Variants in MGMT observed in about 807,000 individuals in gnomAD.
MGMT encodes the protein methylated-DNA--protein-cysteine methyltransferase.
In MGMT, 14 loss-of-function variants were observed where a neutral mutation model predicts 15.9. That is an observed-to-expected ratio of 0.88 (90% CI 0.58 to 1.37). The LOEUF is 1.37. Ranked by LOEUF, MGMT falls within the 40% of genes most tolerant of loss-of-function variation. MGMT has a pLI of 0.00. For missense variants in MGMT, 282 were observed against 268.1 expected (o/e 1.05, Z -0.36); for synonymous variants, 130 against 118.2 (o/e 1.10, Z -0.65).
intron 1 of MGMT, among the ~76,000 whole-genome samples, chr10:129,472,110 TG>T (rs962540806): frequency 6.6e-6 from 1 of 152,200 alleles, no homozygotes; most frequent in Non-Finnish European, 1.5e-5. Context: ...AATCCCCCTC[TG>T]GGTCAAGGCA....
chr10:129,704,671 T>G (rs996326603), intron 2 of MGMT, among the ~76,000 whole-genome samples: 3 of 152,088 alleles, frequency 2.0e-5, no homozygotes, highest in African/African-American at 7.2e-5. Flanking sequence ...CTCTGGCTCC[T>G]TCCTTAAAAC....
chr10:129,632,653 C>T (rs562317801), intron 2 of MGMT, among the ~76,000 whole-genome samples: 191 of 152,234 alleles, frequency 1.3e-3, no homozygotes, highest in African/African-American at 4.3e-3. Context: ...CGGGGGATGT[C>T]GGCCCGATTC....
At chr10:129,471,615 C>T (rs1353509598) in intron 1 of MGMT, among the ~76,000 whole-genome samples, 2 of 152,080 alleles carry the variant, frequency 1.3e-5, no homozygotes, top group African/African-American at 4.8e-5. Flanking sequence ...AGTGGAGGAG[C>T]GTTTGAGGGT....
intron 1 of MGMT, among the ~76,000 whole-genome samples, chr10:129,505,338 G>A (rs1298876780): frequency 1.3e-5 from 2 of 152,140 alleles, no homozygotes; most frequent in African/African-American, 4.8e-5. Context: ...TATAATACAG[G>A]CTTTATGATT....
chr10:129,562,751 C>G (rs754286892), intron 2 of MGMT, among the ~76,000 whole-genome samples: 4 of 152,174 alleles, frequency 2.6e-5, no homozygotes, highest in Admixed American at 6.5e-5. Flanking sequence ...GCACTGACTA[C>G]GCAGCCTCTG....
At position 129,759,138 on chromosome 10, in the gene MGMT, TA is replaced by T; in HGVS notation, c.275-63del. On this transcript the variant is annotated intron_variant, in intron 3 of 4. Coordinates refer to ENST00000651593, the MANE Select transcript of MGMT (RefSeq NM_002412.5). ...CGTTTCCTGTTTTGGGACTAGTGGCTATTTATATCAGAGCTGCTGAAGCCGT... is the reference window on the plus strand; with the variant it reads ...CGTTTCCTGTTTTGGGACTAGTGGCTTTTATATCAGAGCTGCTGAAGCCGT... 7.6e-6 allele frequency: 12 copies of T among 1,588,628 alleles called. No homozygotes were observed. The South Asian group carries it at 1.4e-4, about 18-fold the overall frequency.
At chr10:129,507,813 C>T (rs539598863) in intron 1 of MGMT, among the ~76,000 whole-genome samples, 76 of 152,290 alleles carry the variant, frequency 5.0e-4, no homozygotes, top group African/African-American at 1.3e-3. Flanking sequence ...GAAACCTTTC[C>T]GTCTCCCAAA....
rs1317806834 is a variant in MGMT, at chr10:129,556,656, C to A, written c.125+20279C>A. Among the ~76,000 whole-genome samples, 1 of 152,214 alleles carries A rather than the reference C, an allele frequency of 6.6e-6. No individual in the cohort carries two copies. Among genetic ancestry groups the A allele is most frequent in the Admixed American group, 6.5e-5 (1 of 15,292 alleles). ...CGCCATCCCAGACAGTGTTCATAAA[C>A]ACCGACGGCAAAGTCAGGACGGGCA... On this transcript the variant is annotated intron_variant, in intron 2 of 4. Transcript: ENST00000651593. The surrounding 1 kb of genome is among the most constrained non-coding windows in gnomAD (Gnocchi z 4.3).
At chr10:129,634,065 C>G (rs1013642205) in intron 2 of MGMT, among the ~76,000 whole-genome samples, 32 of 152,250 alleles carry the variant, frequency 2.1e-4, no homozygotes, top group African/African-American at 7.5e-4. Context: ...TTTTTTAGTG[C>G]CCAAAATGTC....
At chr10:129,550,993 G>T (rs555252800) in intron 2 of MGMT, among the ~76,000 whole-genome samples, 2 of 152,126 alleles carry the variant, frequency 1.3e-5, no homozygotes, top group Admixed American at 1.3e-4. Flanking sequence ...GCACTTCTTC[G>T]TCAGGACATG....
At chr10:129,717,077 C>T (rs1232247350) in intron 3 of MGMT, among the ~76,000 whole-genome samples, 1 of 152,166 alleles carries the variant, frequency 6.6e-6, no homozygotes, top group African/African-American at 2.4e-5. Flanking sequence ...TGAGTGATGG[C>T]ATTTTCAATG....
chr10:129,638,993 A>G (rs1847296364), intron 2 of MGMT, among the ~76,000 whole-genome samples: 1 of 152,034 alleles, frequency 6.6e-6, no homozygotes, highest in Non-Finnish European at 1.5e-5. Flanking sequence ...ACACAATAAC[A>G]AAACAAGTAA....
At chr10:129,691,132 G>A (rs1421305690) in intron 2 of MGMT, among the ~76,000 whole-genome samples, 1 of 152,244 alleles carries the variant, frequency 6.6e-6, no homozygotes, top group African/African-American at 2.4e-5. Context: ...GCTGTTCCCG[G>A]CGTGGGGAGA....
At chr10:129,687,390 C>T (rs759492589) in intron 2 of MGMT, among the ~76,000 whole-genome samples, 6 of 152,070 alleles carry the variant, frequency 3.9e-5, no homozygotes, top group East Asian at 1.9e-4. Context: ...GGAGCGCCGA[C>T]GCCAAGGGTA....
chr10:129,732,636 C>G (rs1269629382), intron 3 of MGMT, among the ~76,000 whole-genome samples: 1 of 150,780 alleles, frequency 6.6e-6, no homozygotes, highest in African/African-American at 2.4e-5. Context: ...ATACATGTGC[C>G]ATGCTTGTGC....
intron 1 of MGMT, among the ~76,000 whole-genome samples, chr10:129,490,941 G>A (rs1237127961): frequency 3.3e-5 from 5 of 152,186 alleles, no homozygotes; most frequent in Non-Finnish European, 7.3e-5. Flanking sequence ...TTCCTGAATA[G>A]TAAAATACTT....
chr10:129,524,053 G>A (rs1191866502), intron 1 of MGMT, among the ~76,000 whole-genome samples: 1 of 152,192 alleles, frequency 6.6e-6, no homozygotes, highest in African/African-American at 2.4e-5. Context: ...GTGAGAAGGT[G>A]CACTGGTACC....
chr10:129,550,320 A>G (rs1846142202), intron 2 of MGMT, among the ~76,000 whole-genome samples: 1 of 148,198 alleles, frequency 6.7e-6, no homozygotes, highest in South Asian at 2.2e-4. Flanking sequence ...CGCAGCCACC[A>G]CCGCCGCCCA....
intron 1 of MGMT, among the ~76,000 whole-genome samples, chr10:129,522,487 C>T (rs12258707): frequency 0.27 from 40,797 of 152,110 alleles, 7,008 homozygotes; most frequent in African/African-American, 0.49. Context: ...GCTCTTTGTC[C>T]GTAGGATCTG....
Sources: allele counts gnomAD v4.1 joint callset (sites outside exome capture counted in the v4.1 genomes callset), GRCh38; gene constraint gnomAD v4.1.1; non-coding constraint Gnocchi (gnomAD v3.1); transcripts MANE v1.5; gene names NCBI Gene and HGNC (gene_info 2026-07-23, HGNC 2026-07-21).